The following SLC49A4 variants were observed in gnomAD, a reference collection of about 807,000 sequenced individuals.
The protein encoded by SLC49A4 is solute carrier family 49 member 4.
Under a neutral mutation model 50.6 loss-of-function variants are expected in SLC49A4, and 36 were observed. The ratio of observed to expected loss-of-function variants is 0.71; its 90% confidence interval spans 0.55 to 0.94. SLC49A4 has a LOEUF of 0.94. SLC49A4 is among the 40% of genes least tolerant of loss of function. The probability of loss-of-function intolerance (pLI) is 0.00; values close to 1 mark genes in which losing one functional copy is unlikely to be tolerated. For synonymous variants in SLC49A4, 248 were observed against 241.2 expected (o/e 1.03, Z -0.26); for missense variants, 503 against 605.7 (o/e 0.83, Z 1.78).
intron 7 of SLC49A4, among the ~76,000 whole-genome samples, chr3:122,861,157 G>A (rs1432161084): frequency 6.6e-6 from 1 of 152,086 alleles, no homozygotes; most frequent in Non-Finnish European, 1.5e-5. Context: ...GGAAAAGTCT[G>A]TCAATTTTAA....
At chr3:122,847,362 T>TC (rs1339694265) in intron 5 of SLC49A4, among the ~76,000 whole-genome samples, 2 of 151,326 alleles carry the variant, frequency 1.3e-5, no homozygotes, top group Non-Finnish European at 2.9e-5. Context: ...TTTTTTTTTT[T>TC]TTTTTGATGG....
chr3:122,879,270 T>G lies in SLC49A4; in HGVS notation c.1329T>G (p.Ser443=), dbSNP rs769424639. Residue 443 remains serine, a synonymous_variant, in exon 9 of 9, where the codon TCT becomes TCG. Coordinates refer to ENST00000261038, the MANE Select transcript of SLC49A4 (RefSeq NM_032839.3). ...TGTTTTTTTGTCTTACAGAGTTGTCTTGGTTCAACTGGTGCCTTCCCGGGT... is the reference window on the plus strand; with the variant it reads ...TGTTTTTTTGTCTTACAGAGTTGTCGTGGTTCAACTGGTGCCTTCCCGGGT... ...FFLTFYHTEL[S]WFNWCLPGSC... is the part of the protein sequence containing the mutation. 1 of 1,613,756 alleles carries G rather than the reference T, an allele frequency of 6.2e-7. No homozygotes were observed. The highest frequency in any genetic ancestry group is 1.7e-4 in the Middle Eastern group (1 of 6,058).
intron 4 of SLC49A4, among the ~76,000 whole-genome samples, chr3:122,842,545 T>C (rs76430982): frequency 0.056 from 7,490 of 134,248 alleles, 260 homozygotes; most frequent in Middle Eastern, 0.14. Flanking sequence ...TAGAGAAGGG[T>C]AGACAGGTAG....
chr3:122,844,808 C>T (rs1936826311), intron 4 of SLC49A4, among the ~76,000 whole-genome samples: 2 of 151,560 alleles, frequency 1.3e-5, no homozygotes, highest in African/African-American at 4.8e-5. Context: ...TTTCAAGAAG[C>T]TTGAATTTAT....
At position 122,796,366 on chromosome 3, in the gene SLC49A4, T is replaced by G. The variant is rs1187932626; in HGVS notation, c.343+831T>G. Among the ~76,000 whole-genome samples the G allele has an allele frequency of 2.0e-5, 3 of 152,250 alleles. No individual in the cohort carries two copies. In the East Asian group the frequency reaches 5.8e-4, roughly 29 times the overall value. On this transcript the variant is annotated intron_variant, in intron 1 of 8. Transcript: ENST00000261038. ...TGTACAGTTTCTGTTCAACCTTTTATAAGTTTTGTTGCAATGAGTTCTTTA... is the reference window on the plus strand; with the variant it reads ...TGTACAGTTTCTGTTCAACCTTTTAGAAGTTTTGTTGCAATGAGTTCTTTA...
intron 4 of SLC49A4, among the ~76,000 whole-genome samples, chr3:122,841,508 G>A (rs181628970): frequency 1.3e-5 from 2 of 152,330 alleles, no homozygotes; most frequent in East Asian, 1.9e-4. Context: ...TCTTAGTGTT[G>A]CAGCTGTTAA....
intron 2 of SLC49A4, among the ~76,000 whole-genome samples, chr3:122,818,965 T>C (rs2107562194): frequency 6.6e-6 from 1 of 150,818 alleles, no homozygotes; most frequent in East Asian, 1.9e-4. Context: ...AAAAAAATAT[T>C]GTGAGAGGCC....
At chr3:122,804,529 A>G (rs1314849722) in intron 1 of SLC49A4, among the ~76,000 whole-genome samples, 3 of 152,222 alleles carry the variant, frequency 2.0e-5, no homozygotes, top group Admixed American at 2.0e-4. Context: ...TCAGGATGTG[A>G]GTGACATGAG....
intron 2 of SLC49A4, among the ~76,000 whole-genome samples, chr3:122,824,730 CTTTTTTTTTTTTT>C (rs71621693): frequency 1.2e-5 from 1 of 82,918 alleles, no homozygotes; most frequent in Non-Finnish European, 2.4e-5. Context: ...TTTTTTCCTT[CTTTTTTTTTTTTT>C]TTTTTTTGAG....
chr3:122,810,516 A>G (rs1054367981), intron 2 of SLC49A4, among the ~76,000 whole-genome samples: 11 of 152,240 alleles, frequency 7.2e-5, no homozygotes, highest in Admixed American at 3.3e-4. Flanking sequence ...GTGAACTTAT[A>G]GTAAGTTATA....
At chr3:122,852,901 T>C (rs1560228481) in intron 5 of SLC49A4, among the ~76,000 whole-genome samples, 1 of 152,164 alleles carries the variant, frequency 6.6e-6, no homozygotes. Context: ...TCCTAGATCA[T>C]GGTTTCAGAA....
chr3:122,807,702 A>C (rs751294608), intron 2 of SLC49A4, among the ~76,000 whole-genome samples: 2 of 152,116 alleles, frequency 1.3e-5, no homozygotes, highest in Admixed American at 6.6e-5. Flanking sequence ...GTCGTTGAGA[A>C]ATTTTTTCCC....
intron 1 of SLC49A4, among the ~76,000 whole-genome samples, chr3:122,797,972 C>A (rs146230088): frequency 1.1e-3 from 165 of 152,282 alleles, no homozygotes; most frequent in Middle Eastern, 6.8e-3. Context: ...CAGAATGAGA[C>A]CCTGTCTCAA....
chr3:122,838,547 G>C (rs938903162), intron 4 of SLC49A4, among the ~76,000 whole-genome samples: 4 of 141,726 alleles, frequency 2.8e-5, no homozygotes, highest in Non-Finnish European at 4.6e-5. Flanking sequence ...CACACACCAG[G>C]GACTGTTGTG....
In SLC49A4 at chr3:122,879,554, G is replaced by A; in HGVS notation, c.*176G>A. The A allele has an allele frequency of 1.9e-6, 1 of 518,940 alleles. No individual in the cohort carries two copies. The highest frequency in any genetic ancestry group is 3.4e-6 in the Non-Finnish European group (1 of 296,034). 32.1% of individuals were successfully genotyped at this position (518,940 alleles called of 1,614,324 possible). On this transcript the variant is annotated 3_prime_UTR_variant, in exon 9 of 9. Coordinates refer to ENST00000261038, the MANE Select transcript of SLC49A4 (RefSeq NM_032839.3). ...TAATTACTACTAGGTAATAATAATGGGAGACTTGAGTGATAATAGGGGATT... is the reference window on the plus strand; with the variant it reads ...TAATTACTACTAGGTAATAATAATGAGAGACTTGAGTGATAATAGGGGATT...
chr3:122,799,254 G>C (rs1462535870), intron 1 of SLC49A4, among the ~76,000 whole-genome samples: 2 of 152,096 alleles, frequency 1.3e-5, no homozygotes, highest in African/African-American at 4.8e-5. Context: ...AATAAAGCAG[G>C]GTAAAGGAGG....
chr3:122,829,723 G>A (rs930219445), intron 3 of SLC49A4, among the ~76,000 whole-genome samples: 1 of 152,212 alleles, frequency 6.6e-6, no homozygotes, highest in Non-Finnish European at 1.5e-5. Context: ...CTGCACTCCA[G>A]CCTGGGTGAC....
chr3:122,862,467 G>A (rs1434777630), intron 7 of SLC49A4, among the ~76,000 whole-genome samples: 1 of 152,134 alleles, frequency 6.6e-6, no homozygotes, highest in Admixed American at 6.5e-5. Flanking sequence ...TACACAACTG[G>A]CATCCTACAT....
intron 4 of SLC49A4, among the ~76,000 whole-genome samples, chr3:122,839,061 C>G (rs1472606768): frequency 6.6e-6 from 1 of 152,064 alleles, no homozygotes; most frequent in African/African-American, 2.4e-5. Context: ...TCCAATGGAA[C>G]AGAATAGAGA....
Sources: allele counts gnomAD v4.1 joint callset (sites outside exome capture counted in the v4.1 genomes callset), GRCh38; gene constraint gnomAD v4.1.1; transcripts MANE v1.5; gene names NCBI Gene and HGNC (gene_info 2026-07-23, HGNC 2026-07-21).